The following SMOC2 variants were observed in gnomAD, a reference collection of about 807,000 sequenced individuals.
The protein encoded by SMOC2 is SPARC related modular calcium binding 2, also known as SPARC-related modular calcium-binding protein 2.
SMOC2 carries 39 observed loss-of-function variants against 61.4 expected under a neutral mutation model. The observed-to-expected ratio is 0.64, with a 90% CI of 0.49 to 0.83. The LOEUF (loss-of-function observed/expected upper bound fraction) is 0.83, where lower values mean the gene tolerates loss of function less well. SMOC2 is among the 40% of genes least tolerant of loss of function. The pLI is 0.00. For missense variants in SMOC2, 556 were observed against 592.9 expected (o/e 0.94, Z 0.65); for synonymous variants, 247 against 239.9 (o/e 1.03, Z -0.27).
At chr6:168,659,723 G>A in intron 11 of SMOC2, among the ~76,000 whole-genome samples, 1 of 151,848 alleles carries the variant, frequency 6.6e-6, no homozygotes, top group Admixed American at 6.6e-5. Flanking sequence ...GCTGAGTGAG[G>A]GTGGAGGTTG....
chr6:168,655,359 CT>C (rs902004223), intron 11 of SMOC2: 17 of 454,358 alleles, frequency 3.7e-5, no homozygotes, highest in Admixed American at 1.2e-4. Flanking sequence ...ATTGAAAATA[CT>C]TTTTTTTGTG....
chr6:168,644,453 G>A (rs778377664), intron 9 of SMOC2, among the ~76,000 whole-genome samples: 1 of 152,142 alleles, frequency 6.6e-6, no homozygotes, highest in Non-Finnish European at 1.5e-5. Flanking sequence ...TCCCCAGCCA[G>A]ATGAAAAGAG....
chr6:168,625,399 C>T (rs1271504716), intron 9 of SMOC2, among the ~76,000 whole-genome samples: 10 of 152,234 alleles, frequency 6.6e-5, no homozygotes. Flanking sequence ...GGTCCAGCTC[C>T]TCGCTGTGCC....
At chr6:168,548,369 T>TTG (rs1784055716) in intron 6 of SMOC2, among the ~76,000 whole-genome samples, 1 of 150,258 alleles carries the variant, frequency 6.7e-6, no homozygotes, top group African/African-American at 2.5e-5. Context: ...TTTTTTTTTT[T>TTG]GTGAGACAGA....
chr6:168,662,667 A>C (rs1310479043), intron 11 of SMOC2, among the ~76,000 whole-genome samples: 1 of 152,194 alleles, frequency 6.6e-6, no homozygotes, highest in Non-Finnish European at 1.5e-5. Flanking sequence ...TGTAGACAAC[A>C]GATGGGAAGG....
intron 1 of SMOC2, among the ~76,000 whole-genome samples, chr6:168,444,091 T>G (rs1275698206): frequency 6.6e-6 from 1 of 152,158 alleles, no homozygotes; most frequent in African/African-American, 2.4e-5. Context: ...GGCATTAAGG[T>G]GTGTGTGGAT....
chr6:168,540,123 C>A (rs1295075936), intron 4 of SMOC2, among the ~76,000 whole-genome samples: 2 of 152,254 alleles, frequency 1.3e-5, no homozygotes, highest in Non-Finnish European at 2.9e-5. Context: ...TAATGCCCGC[C>A]TCCCCAAATT....
rs112409103 is a variant in SMOC2, at chr6:168,526,531, G to T, written c.363+79G>T. Reference sequence around the variant, plus strand: ...TGGAGCGGGTGTGGGGAGAAGGCAGGTGGGGGGAGCCGAACAGAAGAAGCA... The same window carrying T: ...TGGAGCGGGTGTGGGGAGAAGGCAGTTGGGGGGAGCCGAACAGAAGAAGCA... On this transcript the variant is annotated intron_variant, in intron 3 of 12. Transcript: ENST00000356284. 3,154 of 1,198,026 alleles carry T rather than the reference G, an allele frequency of 2.6e-3. 27 individuals carry two copies. In the East Asian group the frequency reaches 0.027, roughly 10 times the overall value. 74.2% of individuals were successfully genotyped at this position (1,198,026 alleles called of 1,614,324 possible). A position where few individuals can be genotyped will look rare whatever the true frequency, so the allele number is the denominator to read the frequency against.
At chr6:168,618,759 C>G (rs1158621402) in intron 9 of SMOC2, among the ~76,000 whole-genome samples, 2 of 152,116 alleles carry the variant, frequency 1.3e-5, no homozygotes, top group Non-Finnish European at 2.9e-5. Flanking sequence ...AGTAGCCCAG[C>G]TTAGGCGATG....
At chr6:168,636,453 C>A (rs1786722483) in intron 9 of SMOC2, among the ~76,000 whole-genome samples, 1 of 152,154 alleles carries the variant, frequency 6.6e-6, no homozygotes, top group Admixed American at 6.5e-5. Context: ...GTTGTAGATG[C>A]CAGTGTTGAG....
chr6:168,528,978 G>A (rs565931920), intron 4 of SMOC2, among the ~76,000 whole-genome samples: 24 of 152,268 alleles, frequency 1.6e-4, no homozygotes, highest in African/African-American at 5.3e-4. Flanking sequence ...CTTGTTTTAC[G>A]AAGGGGAAAG....
intron 2 of SMOC2, among the ~76,000 whole-genome samples, chr6:168,518,833 G>C (rs1016704897): frequency 3.3e-5 from 4 of 120,782 alleles, no homozygotes; most frequent in African/African-American, 1.4e-4. Flanking sequence ...GAGTGCATGA[G>C]TGTGCATGCG....
intron 9 of SMOC2, among the ~76,000 whole-genome samples, chr6:168,635,272 G>C (rs1786684833): frequency 6.6e-6 from 1 of 152,160 alleles, no homozygotes; most frequent in African/African-American, 2.4e-5. Flanking sequence ...GCCGGACATC[G>C]AGCAGTTTAT....
chr6:168,551,422 A>T (rs1052137896), intron 7 of SMOC2, among the ~76,000 whole-genome samples: 2 of 140,058 alleles, frequency 1.4e-5, no homozygotes, highest in Non-Finnish European at 3.1e-5. Flanking sequence ...AATATACTTT[A>T]TTTTATTTAT....
intron 1 of SMOC2, among the ~76,000 whole-genome samples, chr6:168,474,354 C>T (rs1380945994): frequency 2.6e-5 from 4 of 152,060 alleles, no homozygotes; most frequent in South Asian, 2.1e-4. Context: ...CACAGTGCCC[C>T]GCTCCTCCTT....
At chr6:168,599,662 TCACA>T (rs149113041) in intron 8 of SMOC2, among the ~76,000 whole-genome samples, 43,076 of 102,550 alleles carry the variant, frequency 0.42, 8,047 homozygotes, top group Middle Eastern at 0.57. Context: ...ATACCCACAC[TCACA>T]CACTCCCCTA....
At chr6:168,519,517 A>G (rs1056977585) in intron 2 of SMOC2, among the ~76,000 whole-genome samples, 1 of 152,146 alleles carries the variant, frequency 6.6e-6, no homozygotes, top group African/African-American at 2.4e-5. Flanking sequence ...GCTGGGGTAG[A>G]CATAACAGGA....
chr6:168,615,560 T>TAC (rs1786059663), intron 9 of SMOC2, among the ~76,000 whole-genome samples: 3 of 69,892 alleles, frequency 4.3e-5, no homozygotes, highest in East Asian at 4.7e-4. Flanking sequence ...CCTCTTTACA[T>TAC]CTACAGCCAG....
intron 9 of SMOC2, among the ~76,000 whole-genome samples, chr6:168,608,847 T>C (rs899413475): frequency 6.6e-6 from 1 of 152,252 alleles, no homozygotes; most frequent in African/African-American, 2.4e-5. Context: ...TTTTTTTCTC[T>C]AAATATCTCC....
Sources: gnomAD v4.1 joint callset for allele counts (sites outside exome capture counted in the v4.1 genomes callset) on GRCh38, gnomAD v4.1.1 for gene constraint, MANE v1.5 for transcripts, NCBI Gene and HGNC (gene_info 2026-07-23, HGNC 2026-07-21) for gene names.